The following MYO7A variants were observed in gnomAD, a reference collection of about 807,000 sequenced individuals.
MYO7A encodes the protein myosin VIIA, also known as unconventional myosin-VIIa.
A neutral mutation model predicts 263.8 loss-of-function variants in MYO7A; 210 were observed. That is an observed-to-expected ratio of 0.80 (90% CI 0.71 to 0.89). MYO7A has a LOEUF of 0.89. Ranked by LOEUF, MYO7A falls within the 40% of genes least tolerant of loss-of-function variation. The probability of loss-of-function intolerance (pLI) is 0.00; values close to 1 mark genes in which losing one functional copy is unlikely to be tolerated. For missense variants in MYO7A, 2,820 were observed against 2,968.3 expected (o/e 0.95, Z 1.16); for synonymous variants, 1,239 against 1,197.3 (o/e 1.03, Z -0.72).
At chr11:77,177,433 C>T in intron 18 of MYO7A, 116 bp from the exon 19 acceptor site, 2 of 811,172 alleles carry the variant, frequency 2.5e-6, no homozygotes, top group African/African-American at 3.4e-5. Context: ...GCTCATGGGG[C>T]CCAACTGAGT....
chr11:77,159,101 C>T (rs78608812), intron 9 of MYO7A, among the ~76,000 whole-genome samples: 2,494 of 152,288 alleles, frequency 0.016, 28 homozygotes, highest in Middle Eastern at 0.027. Flanking sequence ...GAGCACATGT[C>T]GGGGAGGGGA....
intron 21 of MYO7A, among the ~76,000 whole-genome samples, 189 bp from the exon 22 acceptor site, chr11:77,180,185 G>A (rs1279298052): frequency 6.6e-6 from 1 of 152,204 alleles, no homozygotes; most frequent in Admixed American, 6.5e-5. Context: ...ACGCAGATCT[G>A]GCCGGGCTTT....
Position 77,190,887 on chromosome 11 carries a change from G to C in MYO7A, c.3924+17G>C. On this transcript the variant is annotated intron_variant, in intron 30 of 48. Coordinates refer to ENST00000409709, the MANE Select transcript of MYO7A (RefSeq NM_000260.4). The stretch of plus-strand genomic sequence containing the variant: ...TTTGACAAGGTATGGCCGCCCGGAA[G>C]CACCTCCTCCCGGAAGCACCTCCTC... 1 of 1,531,412 alleles carries C rather than the reference G, an allele frequency of 6.5e-7. No individual in the cohort carries two copies. The highest frequency in any genetic ancestry group is 8.8e-7 in the Non-Finnish European group (1 of 1,133,550). The allele number at this position is 1,531,412 out of a possible 1,614,324, so 94.9% of individuals were successfully genotyped here.
chr11:77,208,598 A>G, intron 43 of MYO7A, 81 bp downstream of exon 43: 15 of 1,519,316 alleles, frequency 9.9e-6, no homozygotes, highest in Non-Finnish European at 1.3e-5. Context: ...AGGCCCACCT[A>G]GGCGGGCCTG....
intron 1 of MYO7A, 105 bp from the exon 2 acceptor site, chr11:77,130,484 G>T: frequency 1.2e-6 from 1 of 813,268 alleles, no homozygotes; most frequent in Non-Finnish European, 2.0e-6. Context: ...TTCCCTTGAG[G>T]GAGGAGGAGC....
At chr11:77,172,065 C>T (rs539980973) in intron 15 of MYO7A, among the ~76,000 whole-genome samples, 9 of 152,348 alleles carry the variant, frequency 5.9e-5, no homozygotes, top group South Asian at 4.1e-4. Context: ...CTGCTGCTGC[C>T]GGCTAAGCCT....
intron 18 of MYO7A, among the ~76,000 whole-genome samples, chr11:77,176,688 A>G (rs1304391067): frequency 6.6e-6 from 1 of 152,154 alleles, no homozygotes; most frequent in Non-Finnish European, 1.5e-5. Context: ...TCATTCATCC[A>G]TTCATTCATT....
In MYO7A at chr11:77,201,740, G is replaced by A. The variant is rs1023697215; in HGVS notation, c.5043+102G>A. 4.6e-5 allele frequency: 59 copies of A among 1,269,668 alleles called. 1 individual carries two copies. The highest frequency in any genetic ancestry group is 6.5e-6 in the Non-Finnish European group (6 of 919,112). The allele number at this position is 1,269,668 out of a possible 1,614,324, so 78.7% of individuals were successfully genotyped here. ...TAGGTTAACGGTCTAGTGCATCTGT[G>A]AAGATGATCTTGGGATCTTATGGGA... On this transcript the variant is annotated intron_variant, in intron 36 of 48. Transcript: ENST00000409709.
At position 77,214,800 on chromosome 11, in the gene MYO7A, A is replaced by C; in HGVS notation, c.*104A>C. The C allele has an allele frequency of 2.0e-6, 2 of 994,722 alleles. No homozygotes were observed. Among genetic ancestry groups the C allele is most frequent in the Non-Finnish European group, 3.0e-6 (2 of 668,018 alleles). The allele number at this position is 994,722 out of a possible 1,614,324, so 61.6% of individuals were successfully genotyped here. On this transcript the variant is annotated 3_prime_UTR_variant, in exon 49 of 49. Coordinates refer to ENST00000409709, the MANE Select transcript of MYO7A (RefSeq NM_000260.4). ...TGGGGAAGACTTATGCCATCCCGGC[A>C]GCGAGGCTGGGCTGGCCAGCCACCA...
Position 77,138,406 on chromosome 11 carries a change from G to A in MYO7A, c.19-4303G>A, listed in dbSNP as rs1186183101. 4.6e-5 allele frequency among the ~76,000 whole-genome samples: 7 copies of A among 152,074 alleles called. No individual in the cohort carries two copies. Among genetic ancestry groups the A allele is most frequent in the African/African-American group, 1.7e-4 (7 of 41,430 alleles). On this transcript the variant is annotated intron_variant, in intron 2 of 48. Coordinates refer to ENST00000409709, the MANE Select transcript of MYO7A (RefSeq NM_000260.4). The surrounding 1 kb of genome is among the most constrained non-coding windows in gnomAD (Gnocchi z 4.9). ...CCTGAACCAGGCGTTCAAGACCTACGCCGTCCTGCCGGTGAGGCCCGGGCC... is the reference window on the plus strand; with the variant it reads ...CCTGAACCAGGCGTTCAAGACCTACACCGTCCTGCCGGTGAGGCCCGGGCC...
intron 26 of MYO7A, among the ~76,000 whole-genome samples, chr11:77,184,034 G>A (rs1056841439): frequency 6.6e-6 from 1 of 152,156 alleles, no homozygotes; most frequent in Admixed American, 6.5e-5. Context: ...CCTGCCGCTC[G>A]CCTCTCACTC....
At chr11:77,199,414 C>A in intron 34 of MYO7A, 121 bp from the exon 35 acceptor site, 1 of 1,113,592 alleles carries the variant, frequency 9.0e-7, no homozygotes, top group Non-Finnish European at 1.2e-6. Flanking sequence ...GTGGGTCTCC[C>A]TCTGGGCCAT....
intron 38 of MYO7A, 113 bp downstream of exon 38, chr11:77,203,330 T>A (rs1591476273): frequency 1.7e-6 from 2 of 1,204,034 alleles, no homozygotes; most frequent in Admixed American, 2.4e-5. Context: ...ATGGGGAGGG[T>A]TGATGGAGTA....
At chr11:77,209,204 A>C in intron 44 of MYO7A, 1 of 188,750 alleles carries the variant, frequency 5.3e-6, no homozygotes. Flanking sequence ...TGTGTCTGGC[A>C]CTCTTCTCTC....
chr11:77,161,887 C>T (rs1336111093), intron 12 of MYO7A, among the ~76,000 whole-genome samples: 1 of 152,152 alleles, frequency 6.6e-6, no homozygotes, highest in Non-Finnish European at 1.5e-5. Flanking sequence ...AGCCTTAGCT[C>T]TCCTTCTGGC....
chr11:77,163,069 G>T, intron 14 of MYO7A, 81 bp downstream of exon 14: 2 of 1,486,166 alleles, frequency 1.3e-6, no homozygotes, highest in Non-Finnish European at 1.8e-6. Context: ...TAAGATATCC[G>T]GAATTTTAAA....
At position 77,158,352 on chromosome 11, in the gene MYO7A, A is replaced by G. The variant is rs1481005739; in HGVS notation, c.925A>G (p.Met309Val). The G allele has an allele frequency of 6.2e-7, 1 of 1,613,294 alleles. No individual in the cohort carries two copies. ...CATCCGCTCCGCCATGAAGGTGCTC[A>G]TGTTCACTGACACCGAGAACTGGGA... The part of the protein sequence containing the change: ...ANIRSAMKVL[M>V]FTDTENWEIS... The change falls in exon 9 of 49, where the codon ATG (methionine) becomes GTG (valine). Residue 309 changes from methionine (M) to valine (V), a missense_variant. Coordinates refer to ENST00000409709, the MANE Select transcript of MYO7A (RefSeq NM_000260.4).
intron 26 of MYO7A, among the ~76,000 whole-genome samples, chr11:77,183,657 G>A (rs2135509081): frequency 6.6e-6 from 1 of 152,296 alleles, no homozygotes; most frequent in East Asian, 1.9e-4. Context: ...GGATACACTG[G>A]AGAGGCAGAC....
intron 2 of MYO7A, chr11:77,142,438 G>C (rs1446880172): frequency 5.3e-6 from 2 of 377,706 alleles, no homozygotes; most frequent in Non-Finnish European, 1.0e-5. Flanking sequence ...GCTGGGCTTT[G>C]AGAGGCCTTG....
Sources: allele counts gnomAD v4.1 joint callset (sites outside exome capture counted in the v4.1 genomes callset), GRCh38; gene constraint gnomAD v4.1.1; non-coding constraint Gnocchi (gnomAD v3.1); transcripts MANE v1.5; gene names NCBI Gene and HGNC (gene_info 2026-07-23, HGNC 2026-07-21).